IMMP2L: variants seen among roughly 807,000 people sequenced by gnomAD.
The protein encoded by IMMP2L is inner mitochondrial membrane peptidase subunit 2.
A neutral mutation model predicts 19.3 loss-of-function variants in IMMP2L; 18 were observed. The observed-to-expected ratio is 0.93, with a 90% CI of 0.64 to 1.38. The LOEUF is 1.38. Ranked by LOEUF, IMMP2L falls within the 40% of genes most tolerant of loss-of-function variation. The probability of loss-of-function intolerance (pLI) is 0.00; values close to 1 mark genes in which losing one functional copy is unlikely to be tolerated. For synonymous variants in IMMP2L, 76 were observed against 73.0 expected (o/e 1.04, Z -0.21); for missense variants, 233 against 218.2 (o/e 1.07, Z -0.43).
chr7:110,894,179 T>C (rs558295291), intron 4 of IMMP2L, among the ~76,000 whole-genome samples: 8 of 152,186 alleles, frequency 5.3e-5, no homozygotes, highest in Admixed American at 3.9e-4. Flanking sequence ...CCTGCCTTCT[T>C]GTCCTGAAGA....
chr7:111,249,229 C>A (rs367995880), intron 3 of IMMP2L, among the ~76,000 whole-genome samples: 1 of 95,418 alleles, frequency 1.0e-5, no homozygotes, highest in African/African-American at 4.6e-5. Context: ...CGTGGTGCGC[C>A]GTTTCTTAAG....
At chr7:110,991,949 A>G (rs1451590366) in intron 3 of IMMP2L, among the ~76,000 whole-genome samples, 2 of 152,056 alleles carry the variant, frequency 1.3e-5, no homozygotes, top group African/African-American at 4.8e-5. Context: ...AGGCTACTCA[A>G]TTTTGCCAAT....
chr7:111,089,966 TC>T (rs769690223), intron 3 of IMMP2L, among the ~76,000 whole-genome samples: 2 of 152,054 alleles, frequency 1.3e-5, no homozygotes, highest in Middle Eastern at 3.4e-3. Flanking sequence ...GTTTTTTTTT[TC>T]CTAAGTAAAT....
intron 3 of IMMP2L, among the ~76,000 whole-genome samples, chr7:111,239,405 A>G (rs1814732531): frequency 6.6e-6 from 1 of 151,924 alleles, no homozygotes; most frequent in Non-Finnish European, 1.5e-5. Flanking sequence ...TTTCGATAAA[A>G]TTTGAATTTA....
intron 3 of IMMP2L, among the ~76,000 whole-genome samples, chr7:110,975,944 A>T (rs905316342): frequency 3.6e-4 from 55 of 152,150 alleles, no homozygotes; most frequent in African/African-American, 1.3e-3. Flanking sequence ...TAGAAGTAGC[A>T]AACAGCTTTG....
intron 3 of IMMP2L, among the ~76,000 whole-genome samples, chr7:111,363,713 C>A (rs983268997): frequency 5.3e-5 from 8 of 152,044 alleles, no homozygotes; most frequent in African/African-American, 1.9e-4. Flanking sequence ...TAGGACTCTC[C>A]TGTTTTAAAA....
At chr7:110,673,882 T>C (rs1463570978) in intron 5 of IMMP2L, among the ~76,000 whole-genome samples, 1 of 152,166 alleles carries the variant, frequency 6.6e-6, no homozygotes, top group Non-Finnish European at 1.5e-5. Context: ...TCTAGGAAGT[T>C]CCAAACTTTC....
At chr7:111,042,350 T>C (rs918472612) in intron 3 of IMMP2L, among the ~76,000 whole-genome samples, 2 of 152,124 alleles carry the variant, frequency 1.3e-5, no homozygotes, top group African/African-American at 2.4e-5. Flanking sequence ...CAGCTAATTT[T>C]TGTATTTTTA....
At chr7:111,444,536 G>C (rs1027184661) in intron 3 of IMMP2L, among the ~76,000 whole-genome samples, 1 of 152,138 alleles carries the variant, frequency 6.6e-6, no homozygotes, top group African/African-American at 2.4e-5. Flanking sequence ...GTCTAGCATT[G>C]TTAAGTGCCT....
chr7:111,032,869 C>T (rs1790969647), intron 3 of IMMP2L, among the ~76,000 whole-genome samples: 2 of 151,714 alleles, frequency 1.3e-5, no homozygotes, highest in African/African-American at 4.8e-5. Context: ...CCTGTAATTC[C>T]AGCACTTTGG....
intron 3 of IMMP2L, among the ~76,000 whole-genome samples, chr7:111,164,610 C>T (rs893873496): frequency 1.3e-5 from 2 of 152,152 alleles, no homozygotes; most frequent in East Asian, 1.9e-4. Context: ...TACACAGTGA[C>T]CTAATAACGC....
intron 3 of IMMP2L, among the ~76,000 whole-genome samples, chr7:111,033,698 A>C (rs1791056092): frequency 6.6e-6 from 1 of 152,220 alleles, no homozygotes. Context: ...TTGCTTAGTG[A>C]AATATGGCAA....
intron 3 of IMMP2L, among the ~76,000 whole-genome samples, chr7:111,166,605 G>A (rs974460718): frequency 6.6e-6 from 1 of 151,868 alleles, no homozygotes; most frequent in Admixed American, 6.6e-5. Flanking sequence ...CTAGGGCTGC[G>A]AAAACAAAGC....
At chr7:110,926,031 G>C (rs577415631) in intron 4 of IMMP2L, among the ~76,000 whole-genome samples, 19 of 151,898 alleles carry the variant, frequency 1.3e-4, no homozygotes, top group Non-Finnish European at 2.2e-4. Flanking sequence ...ATGATGAAAA[G>C]TCAATTAATG....
At chr7:110,943,943 G>T (rs1816982898) in intron 4 of IMMP2L, among the ~76,000 whole-genome samples, 1 of 151,936 alleles carries the variant, frequency 6.6e-6, no homozygotes, top group South Asian at 2.1e-4. Flanking sequence ...CTAATGTTCA[G>T]CAAATTAGAG....
At chr7:111,154,120 T>A (rs1804377848) in intron 3 of IMMP2L, among the ~76,000 whole-genome samples, 1 of 152,150 alleles carries the variant, frequency 6.6e-6, no homozygotes, top group Non-Finnish European at 1.5e-5. Context: ...TTACTCAATC[T>A]TGTTTCTTAG....
At chr7:110,805,545 T>C (rs937627414) in intron 5 of IMMP2L, among the ~76,000 whole-genome samples, 7 of 152,076 alleles carry the variant, frequency 4.6e-5, no homozygotes, top group African/African-American at 1.7e-4. Context: ...CACCATTAAG[T>C]CATTTTTTAA....
chr7:110,795,083 G>A (rs906699829), intron 5 of IMMP2L, among the ~76,000 whole-genome samples: 3 of 152,162 alleles, frequency 2.0e-5, no homozygotes, highest in African/African-American at 4.8e-5. Context: ...GACACCAGGT[G>A]CTTTCCAAAC....
At chr7:110,771,416 G>A (rs1799024337) in intron 5 of IMMP2L, among the ~76,000 whole-genome samples, 1 of 152,088 alleles carries the variant, frequency 6.6e-6, no homozygotes, top group South Asian at 2.1e-4. Context: ...AAATGAAAAG[G>A]ACCTTGGCAG....
Sources: gnomAD v4.1 joint callset for allele counts (sites outside exome capture counted in the v4.1 genomes callset) on GRCh38, gnomAD v4.1.1 for gene constraint, MANE v1.5 for transcripts, NCBI Gene and HGNC (gene_info 2026-07-23, HGNC 2026-07-21) for gene names.